FCF1: variants seen among roughly 807,000 people sequenced by gnomAD.
The protein encoded by FCF1 is rRNA-processing protein FCF1 homolog.
In FCF1, 17 loss-of-function variants were observed where a neutral mutation model predicts 32.5. That is an observed-to-expected ratio of 0.52 (90% CI 0.36 to 0.78). FCF1 has a LOEUF of 0.78. FCF1 is among the 30% of genes least tolerant of loss of function. The probability of loss-of-function intolerance (pLI) is 0.00; values close to 1 mark genes in which losing one functional copy is unlikely to be tolerated. For missense variants in FCF1, 201 were observed against 241.1 expected, an observed-to-expected ratio of 0.83 and a Z score of 1.10; for synonymous variants, 84 against 78.4, an observed-to-expected ratio of 1.07 and a Z score of -0.38.
At position 74,716,562 on chromosome 14, in the gene FCF1, G is replaced by T. The variant is rs143055754; in HGVS notation, c.292+463G>T. Reference sequence around the variant, plus strand: ...TCAATTCCTAAGTTTATTCAGTTTGGTATTTATTCGTAGTACAGAGGATCT... The same window carrying T: ...TCAATTCCTAAGTTTATTCAGTTTGTTATTTATTCGTAGTACAGAGGATCT... On this transcript the variant is annotated intron_variant, in intron 4 of 7. Coordinates refer to ENST00000341162, the MANE Select transcript of FCF1 (RefSeq NM_015962.5). 4.6e-5 allele frequency among the ~76,000 whole-genome samples: 7 copies of T among 152,216 alleles called. No homozygotes were observed. In the East Asian group the frequency reaches 1.4e-3, roughly 29 times the overall value.
Position 74,737,456 on chromosome 14 carries a change from A to G in FCF1, c.*2526A>G, listed in dbSNP as rs1461058913. The G allele has an allele frequency of 6.6e-6, 1 of 152,212 alleles. No homozygotes were observed. The highest frequency in any genetic ancestry group is 2.4e-5 in the African/African-American group (1 of 41,448). The allele number at this position is 152,212 out of a possible 1,614,324, so 9.4% of individuals were successfully genotyped here. A position where few individuals can be genotyped will look rare whatever the true frequency, so the allele number is the denominator to read the frequency against. ...AAAAGGAAATTTCATTAACAGGCCA[A>G]ATAGTCTGGAGTCATTCTGTTAGTG... is the stretch of plus-strand genomic sequence containing the variant. On this transcript the variant is annotated 3_prime_UTR_variant, in exon 8 of 8. Transcript: ENST00000341162.
At chr14:74,728,807 A>G (rs1056438232) in intron 5 of FCF1, among the ~76,000 whole-genome samples, 2 of 152,234 alleles carry the variant, frequency 1.3e-5, no homozygotes, top group Admixed American at 6.5e-5. Flanking sequence ...AGTTTTTAGC[A>G]TGAAGCGATG....
intron 5 of FCF1, among the ~76,000 whole-genome samples, chr14:74,730,547 C>T (rs2090622783): frequency 6.6e-6 from 1 of 152,166 alleles, no homozygotes; most frequent in Admixed American, 6.6e-5. Flanking sequence ...AACCTCATCT[C>T]TGCTAAAAAT....
chr14:74,715,719 G>T, intron 3 of FCF1: 3 of 868,708 alleles, frequency 3.5e-6, no homozygotes, highest in Admixed American at 2.6e-5. Context: ...TTTTTTGTTT[G>T]TTTGTTTTTG....
At chr14:74,716,723 C>G (rs1322323272) in intron 4 of FCF1, among the ~76,000 whole-genome samples, 3 of 152,264 alleles carry the variant, frequency 2.0e-5, no homozygotes, top group Non-Finnish European at 2.9e-5. Flanking sequence ...ATCTATGAAG[C>G]CTATCATAGT....
At chr14:74,730,501 G>A (rs1369158614) in intron 5 of FCF1, among the ~76,000 whole-genome samples, 1 of 152,094 alleles carries the variant, frequency 6.6e-6, no homozygotes, top group Non-Finnish European at 1.5e-5. Flanking sequence ...ATCACCTGAG[G>A]CTAGGAGTTC....
chr14:74,716,041 T>C lies in FCF1; in HGVS notation c.234T>C (p.Phe78=). Residue 78 remains phenylalanine, a synonymous_variant, in exon 4 of 8, where the codon TTT becomes TTC. Transcript: ENST00000341162. The stretch of plus-strand genomic sequence containing the variant: ...TCGTTGATACCAACTTTATCAACTT[T>C]TCCATAAAAGCCAAACTGGACTTAG... ...HILVDTNFIN[F]SIKAKLDLVQ... 6.2e-7 allele frequency: 1 copy of C among 1,614,034 alleles called. No individual in the cohort carries two copies. Among genetic ancestry groups the C allele is most frequent in the South Asian group, 1.1e-5 (1 of 91,078 alleles).
intron 4 of FCF1, among the ~76,000 whole-genome samples, chr14:74,718,255 A>G (rs1044419969): frequency 1.3e-5 from 2 of 151,996 alleles, no homozygotes; most frequent in East Asian, 1.9e-4. Flanking sequence ...GGTCTCTTCT[A>G]TTTCCACTTT....
chr14:74,738,146 C>G lies in FCF1; in HGVS notation c.*3216C>G, dbSNP rs1008697262. On this transcript the variant is annotated 3_prime_UTR_variant, in exon 8 of 8. Coordinates refer to ENST00000341162, the MANE Select transcript of FCF1 (RefSeq NM_015962.5). ...CCAGGCTGCAGTGCGTTGGCACAAT[C>G]ATGACTCACTGCAGCCTTGACCTTC... 2 of 151,742 alleles carry G rather than the reference C, an allele frequency of 1.3e-5. No homozygotes were observed. The highest frequency in any genetic ancestry group is 2.9e-5 in the Non-Finnish European group (2 of 68,014). The allele number at this position is 151,742 out of a possible 1,614,324, so 9.4% of individuals were successfully genotyped here.
rs1185488104 is a variant in FCF1, at chr14:74,719,001, G to A, written c.292+2902G>A. 3.3e-5 allele frequency among the ~76,000 whole-genome samples: 5 copies of A among 151,708 alleles called. No individual in the cohort carries two copies. The South Asian group carries it at 6.2e-4, about 19-fold the overall frequency. ...AAAAATTAGCCAGGCGCAGCACCAT[G>A]TGCCTGTAATCCCAGTTACCTGTGA... On this transcript the variant is annotated intron_variant, in intron 4 of 7. Transcript: ENST00000341162.
chr14:74,716,370 T>C (rs946594765), intron 4 of FCF1, among the ~76,000 whole-genome samples: 1 of 152,244 alleles, frequency 6.6e-6, no homozygotes, highest in Non-Finnish European at 1.5e-5. Flanking sequence ...TTTTCTGTTT[T>C]AGAATTCTAG....
chr14:74,727,922 G>A (rs1278093264), intron 5 of FCF1, among the ~76,000 whole-genome samples: 1 of 152,066 alleles, frequency 6.6e-6, no homozygotes, highest in Non-Finnish European at 1.5e-5. Flanking sequence ...GTAGATATGC[G>A]GCGTTATTTC....
chr14:74,713,935 T>A (rs2140014840), intron 2 of FCF1, among the ~76,000 whole-genome samples: 1 of 152,298 alleles, frequency 6.6e-6, no homozygotes, highest in African/African-American at 2.4e-5. Context: ...AGACCTTGTT[T>A]GTCTGGCGTT....
rs2090722500 is a variant in FCF1 at position 74,738,025 on chromosome 14, A to C, written c.*3095A>C. 1 of 151,952 alleles carries C rather than the reference A, an allele frequency of 6.6e-6. No individual in the cohort carries two copies. The highest frequency in any genetic ancestry group is 1.5e-5 in the Non-Finnish European group (1 of 67,994). 9.4% of individuals were successfully genotyped at this position (151,952 alleles called of 1,614,324 possible). ...AAAAAAAAAAAGAGAGAGAGAAAAA[A>C]ATTAGTTTCCTACTTCACATGATTC... On this transcript the variant is annotated 3_prime_UTR_variant, in exon 8 of 8. Transcript: ENST00000341162.
chr14:74,714,143 G>C (rs1484942555), intron 2 of FCF1, among the ~76,000 whole-genome samples: 2 of 152,208 alleles, frequency 1.3e-5, no homozygotes, highest in South Asian at 2.1e-4. Flanking sequence ...AATAAAGACT[G>C]ATCTTCACTG....
chr14:74,733,937 C>T, intron 6 of FCF1, 139 bp from the exon 7 acceptor site: 1 of 560,042 alleles, frequency 1.8e-6, no homozygotes, highest in Admixed American at 2.9e-5. Flanking sequence ...AGGTACTCAA[C>T]AAATTGTTAT....
rs1416258278 is a variant in FCF1 at position 74,736,915 on chromosome 14, AT to A, written c.*1986del. The A allele has an allele frequency of 6.6e-6, 1 of 152,204 alleles. No individual in the cohort carries two copies. Among genetic ancestry groups the A allele is most frequent in the African/African-American group, 2.4e-5 (1 of 41,454 alleles). 9.4% of individuals were successfully genotyped at this position (152,204 alleles called of 1,614,324 possible). On this transcript the variant is annotated 3_prime_UTR_variant, in exon 8 of 8. Transcript: ENST00000341162. Reference sequence around the variant, plus strand: ...GTGCTAGGGTAAAAGTTTCAGAGGCATGTCATGGGCACATAAAGGTGGAATG... The same window carrying A: ...GTGCTAGGGTAAAAGTTTCAGAGGCAGTCATGGGCACATAAAGGTGGAATG...
intron 4 of FCF1, among the ~76,000 whole-genome samples, chr14:74,722,829 G>A (rs912526519): frequency 1.3e-5 from 2 of 151,580 alleles, no homozygotes; most frequent in African/African-American, 4.9e-5. Flanking sequence ...TGTGGTCCTC[G>A]CTACTCGGGA....
At chr14:74,722,340 G>A (rs531642124) in intron 4 of FCF1, among the ~76,000 whole-genome samples, 19 of 152,008 alleles carry the variant, frequency 1.2e-4, no homozygotes, top group African/African-American at 2.4e-4. Flanking sequence ...GAGCCACTAC[G>A]CCCGGCCAAT....
Sources: allele counts gnomAD v4.1 joint callset (sites outside exome capture counted in the v4.1 genomes callset), GRCh38; gene constraint gnomAD v4.1.1; transcripts MANE v1.5; gene names NCBI Gene and HGNC (gene_info 2026-07-23, HGNC 2026-07-21).